ANKRD12: variants seen among roughly 807,000 people sequenced by gnomAD.
The protein encoded by ANKRD12 is ankyrin repeat domain 12.
ANKRD12 carries 85 observed loss-of-function variants against 183.4 expected under a neutral mutation model. That is an observed-to-expected ratio of 0.46 (90% CI 0.39 to 0.56). The LOEUF (loss-of-function observed/expected upper bound fraction) is 0.56, where lower values mean the gene tolerates loss of function less well. Ranked by LOEUF, ANKRD12 falls within the 20% of genes least tolerant of loss-of-function variation. The pLI, the probability that ANKRD12 is intolerant of heterozygous loss-of-function variation, is 0.00. For synonymous variants in ANKRD12, 914 were observed against 800.2 expected (o/e 1.14, Z -2.40); for missense variants, 2,405 against 2,357.1 (o/e 1.02, Z -0.42).
At chr18:9,188,432 C>T (rs558241370) in intron 2 of ANKRD12, among the ~76,000 whole-genome samples, 2 of 152,256 alleles carry the variant, frequency 1.3e-5, no homozygotes, top group Admixed American at 1.3e-4. Context: ...TAGTCCAGGA[C>T]AAAGGAAATT....
In ANKRD12 at chr18:9,257,316, T is replaced by G. The variant is rs779876320; in HGVS notation, c.4049T>G (p.Val1350Gly). The G allele has an allele frequency of 1.9e-6, 3 of 1,614,062 alleles. No homozygotes were observed. The highest frequency in any genetic ancestry group is 2.5e-6 in the Non-Finnish European group (3 of 1,180,014). The change falls in exon 9 of 13, where the codon GTA (valine) becomes GGA (glycine). Residue 1350 changes from valine to glycine, a missense_variant. Transcript: ENST00000262126. ...GDTSPSPKPE[V>G]FSNVPERDLS... ...ACTAGTCCTTCTCCCAAACCTGAGG[T>G]ATTCTCAAATGTGCCTGAAAGAGAC...
Position 9,216,861 on chromosome 18 carries a change from C to G in ANKRD12, c.756C>G (p.Asp252Glu). The change falls in exon 7 of 13, where the codon GAC becomes GAG. Residue 252 changes from aspartate (D) to glutamate (E), a missense_variant. Physicochemically the swap from Asp to Glu is conservative, Grantham distance 45. This residue lies in a region of ANKRD12 where 39 missense variants were observed against 104.8 expected (regional missense o/e 0.37). Transcript: ENST00000262126. ...TTAACACACAAGGATTAGATGATGACACTCCACTCCATGATTCTGCTAGTA... is the reference window on the plus strand; with the variant it reads ...TTAACACACAAGGATTAGATGATGAGACTCCACTCCATGATTCTGCTAGTA... ...ADVNTQGLDD[D>E]TPLHDSASSG... 6.2e-7 allele frequency: 1 copy of G among 1,613,476 alleles called. No individual in the cohort carries two copies.
At chr18:9,262,887 C>T (rs774638256) in intron 9 of ANKRD12, among the ~76,000 whole-genome samples, 6 of 148,508 alleles carry the variant, frequency 4.0e-5, no homozygotes, top group Admixed American at 6.8e-5. Context: ...CAACTTCCAC[C>T]TCCTGAGTTC....
intron 2 of ANKRD12, among the ~76,000 whole-genome samples, chr18:9,186,171 C>T (rs1375592604): frequency 2.3e-4 from 33 of 140,762 alleles, no homozygotes; most frequent in African/African-American, 7.1e-4. Flanking sequence ...GACGGAGTCT[C>T]GCTCTGTCGC....
At chr18:9,231,897 A>G (rs1036077202) in intron 8 of ANKRD12, among the ~76,000 whole-genome samples, 36 of 150,858 alleles carry the variant, frequency 2.4e-4, no homozygotes, top group Non-Finnish European at 4.4e-4. Flanking sequence ...TTTGGTTTCC[A>G]TTTGTGTGGA....
chr18:9,265,006 G>A (rs1011372726), intron 10 of ANKRD12, among the ~76,000 whole-genome samples: 4 of 152,242 alleles, frequency 2.6e-5, no homozygotes, highest in East Asian at 1.9e-4. Flanking sequence ...AGAGTGCTAC[G>A]CCCACGGAGC....
At chr18:9,201,929 G>A (rs930217711) in intron 3 of ANKRD12, among the ~76,000 whole-genome samples, 8 of 151,816 alleles carry the variant, frequency 5.3e-5, no homozygotes, top group South Asian at 4.2e-4. Flanking sequence ...CTGGGTTCAA[G>A]CAGTTCTCCT....
Position 9,278,257 on chromosome 18 carries a change from C to T in ANKRD12, c.5908-1292C>T, listed in dbSNP as rs537561094. Reference sequence around the variant, plus strand: ...AGGTCTCAAGTAGCATGCGTTATTTCCTATGGGAGTAGCCTTGGAAGGAAC... The same window carrying T: ...AGGTCTCAAGTAGCATGCGTTATTTTCTATGGGAGTAGCCTTGGAAGGAAC... On this transcript the variant is annotated intron_variant, in intron 11 of 12. Transcript: ENST00000262126. Among the ~76,000 whole-genome samples the T allele has an allele frequency of 3.8e-4, 58 of 152,270 alleles. 2 individuals carry two copies. The South Asian group carries it at 0.012, about 32-fold the overall frequency.
chr18:9,174,859 G>A (rs2033110499), intron 1 of ANKRD12, among the ~76,000 whole-genome samples: 1 of 152,142 alleles, frequency 6.6e-6, no homozygotes, highest in South Asian at 2.1e-4. Context: ...AGTGCTTTGT[G>A]AAACTGCTAT....
chr18:9,221,762 C>T, intron 7 of ANKRD12, 90 bp from the exon 8 acceptor site: 1 of 1,331,434 alleles, frequency 7.5e-7, no homozygotes, highest in South Asian at 1.4e-5. Flanking sequence ...AGGTAACACT[C>T]AGAAGGATAC....
intron 8 of ANKRD12, among the ~76,000 whole-genome samples, chr18:9,222,761 G>C (rs2036492030): frequency 6.6e-6 from 1 of 152,100 alleles, no homozygotes; most frequent in African/African-American, 2.4e-5. Flanking sequence ...TTTTGAGGCA[G>C]AAAGTTCTAC....
rs776009564 is a variant in ANKRD12 at position 9,256,332 on chromosome 18, AAGATAT to A, written c.3071_3076del (p.Ile1024_Asp1025del). ...GGAAAAGAAAAAGATAAAAAAGATA[AAGATAT>A]AGATAGATACAAAGAACGAGACAAA... On this transcript the variant is annotated inframe_deletion, in exon 9 of 13. Coordinates refer to ENST00000262126, the MANE Select transcript of ANKRD12 (RefSeq NM_015208.5). The A allele has an allele frequency of 2.2e-5, 35 of 1,589,610 alleles. No individual in the cohort carries two copies. Among genetic ancestry groups the A allele is most frequent in the African/African-American group, 5.5e-5 (4 of 73,224 alleles).
intron 7 of ANKRD12, among the ~76,000 whole-genome samples, chr18:9,218,598 G>A (rs1336466492): frequency 6.6e-6 from 1 of 151,856 alleles, no homozygotes; most frequent in East Asian, 1.9e-4. Flanking sequence ...GATTAACATA[G>A]CTTACTAAGA....
chr18:9,224,346 G>A (rs1274269852), intron 8 of ANKRD12, among the ~76,000 whole-genome samples: 1 of 152,100 alleles, frequency 6.6e-6, no homozygotes, highest in Non-Finnish European at 1.5e-5. Context: ...GTAGGTGCAG[G>A]CACACTCAGG....
At chr18:9,221,829 C>A in intron 7 of ANKRD12, 23 bp from the exon 8 acceptor site, 1 of 1,612,512 alleles carries the variant, frequency 6.2e-7, no homozygotes, top group Non-Finnish European at 8.5e-7. Context: ...GGGACTAAGT[C>A]TTCCTGCTTT....
Position 9,256,397 on chromosome 18 carries a change from A to C in ANKRD12, c.3130A>C (p.Lys1044Gln). The C allele has an allele frequency of 1.9e-6, 3 of 1,610,208 alleles. No homozygotes were observed. The highest frequency in any genetic ancestry group is 1.7e-6 in the Non-Finnish European group (2 of 1,178,952). The change falls in exon 9 of 13, where the codon AAA (lysine) becomes CAA (glutamine). Residue 1044 changes from lysine (K) to glutamine (Q), a missense_variant. By Grantham distance (53) the Lys-to-Gln change is moderately conservative. Coordinates refer to ENST00000262126, the MANE Select transcript of ANKRD12 (RefSeq NM_015208.5). The stretch of plus-strand genomic sequence containing the variant: ...TAAAATTCAAATAAATAGCTTACTC[A>C]AACTAAAATCTGAAGCAGATAAGCC... ...KDKIQINSLL[K>Q]LKSEADKPKP...
chr18:9,261,240 A>G (rs1198828176), intron 9 of ANKRD12, among the ~76,000 whole-genome samples: 1 of 152,244 alleles, frequency 6.6e-6, no homozygotes, highest in Non-Finnish European at 1.5e-5. Context: ...TGTTCTACAT[A>G]ATACCTCTTC....
intron 3 of ANKRD12, among the ~76,000 whole-genome samples, chr18:9,201,552 T>A (rs1250738315): frequency 6.6e-6 from 1 of 152,192 alleles, no homozygotes; most frequent in Non-Finnish European, 1.5e-5. Context: ...GGTTAAACAT[T>A]TCTGTGATTC....
At chr18:9,228,577 G>A (rs1051068504) in intron 8 of ANKRD12, among the ~76,000 whole-genome samples, 1 of 152,042 alleles carries the variant, frequency 6.6e-6, no homozygotes, top group Admixed American at 6.6e-5. Flanking sequence ...TAGTGATGTC[G>A]AGAATTTTTT....
Sources: gnomAD v4.1 joint callset for allele counts (sites outside exome capture counted in the v4.1 genomes callset) on GRCh38, gnomAD v4.1.1 for gene constraint, gnomAD v4.1.1 regional missense constraint, MANE v1.5 for transcripts, NCBI Gene and HGNC (gene_info 2026-07-23, HGNC 2026-07-21) for gene names.